The following MATN2 variants were observed in gnomAD, a reference collection of about 807,000 sequenced individuals.
MATN2 encodes the protein matrilin 2.
MATN2 carries 69 observed loss-of-function variants against 103.2 expected under a neutral mutation model. The observed-to-expected ratio is 0.67, with a 90% CI of 0.55 to 0.82. MATN2 has a LOEUF of 0.82. Among genes scored for constraint, MATN2 ranks in the 40% least tolerant of loss-of-function variants. MATN2 has a pLI of 0.00. For synonymous variants in MATN2, 429 were observed against 450.2 expected, an observed-to-expected ratio of 0.95 and a Z score of 0.60; for missense variants, 1,023 against 1,211.5, an observed-to-expected ratio of 0.84 and a Z score of 2.31.
At chr8:97,988,855 C>A (rs1289460722) in intron 6 of MATN2, among the ~76,000 whole-genome samples, 1 of 152,028 alleles carries the variant, frequency 6.6e-6, no homozygotes, top group African/African-American at 2.4e-5. Flanking sequence ...GCTATCAGTA[C>A]CCTGATACCC....
chr8:98,026,006 C>T (rs1813785714), intron 13 of MATN2, among the ~76,000 whole-genome samples: 1 of 151,552 alleles, frequency 6.6e-6, no homozygotes, highest in African/African-American at 2.4e-5. Context: ...GGCAAAACCC[C>T]GTCTCTACTA....
At chr8:97,951,411 G>A (rs1810947875) in intron 4 of MATN2, among the ~76,000 whole-genome samples, 1 of 152,164 alleles carries the variant, frequency 6.6e-6, no homozygotes, top group Non-Finnish European at 1.5e-5. Flanking sequence ...CTGTTTTTAT[G>A]AGGACCCAGG....
intron 7 of MATN2, among the ~76,000 whole-genome samples, chr8:97,999,024 C>T (rs1253201165): frequency 3.3e-5 from 5 of 152,182 alleles, no homozygotes; most frequent in Admixed American, 1.3e-4. Flanking sequence ...CATCTCCTGG[C>T]AGCCACCAAT....
intron 6 of MATN2, among the ~76,000 whole-genome samples, chr8:97,984,515 G>A (rs1048425312): frequency 3.9e-5 from 6 of 152,176 alleles, no homozygotes; most frequent in East Asian, 1.9e-4. Context: ...GTAACTGGCC[G>A]AATGTCTGTA....
At chr8:97,891,465 G>C (rs1818624359) in intron 2 of MATN2, among the ~76,000 whole-genome samples, 1 of 152,084 alleles carries the variant, frequency 6.6e-6, no homozygotes, top group South Asian at 2.1e-4. Flanking sequence ...AGCATCTCAA[G>C]TAGCTGAGAC....
At chr8:97,922,294 G>A (rs1809837544) in intron 2 of MATN2, among the ~76,000 whole-genome samples, 1 of 152,142 alleles carries the variant, frequency 6.6e-6, no homozygotes, top group Non-Finnish European at 1.5e-5. Context: ...CTTTCTATTT[G>A]TTTTGCTCTG....
chr8:97,951,607 A>G (rs2130225434), intron 4 of MATN2, among the ~76,000 whole-genome samples: 1 of 152,348 alleles, frequency 6.6e-6, no homozygotes, highest in East Asian at 1.9e-4. Context: ...TTTAAGGACT[A>G]CTGACTTAGA....
intron 6 of MATN2, among the ~76,000 whole-genome samples, chr8:97,989,695 TA>T (rs796323453): frequency 9.9e-5 from 15 of 150,830 alleles, no homozygotes; most frequent in African/African-American, 2.7e-4. Context: ...CCTAGATTGT[TA>T]AAAAAAAACA....
chr8:97,980,687 C>T (rs1563705505), intron 6 of MATN2, among the ~76,000 whole-genome samples: 1 of 151,540 alleles, frequency 6.6e-6, no homozygotes, highest in Non-Finnish European at 1.5e-5. Flanking sequence ...ACCTCAGCCT[C>T]CCAAGTGGCT....
intron 2 of MATN2, among the ~76,000 whole-genome samples, chr8:97,924,538 A>T (rs1809920978): frequency 6.6e-6 from 1 of 151,974 alleles, no homozygotes; most frequent in Admixed American, 6.6e-5. Flanking sequence ...CAGCCCCTCA[A>T]AGATCGGTGA....
chr8:97,914,856 C>T (rs907485072), intron 2 of MATN2, among the ~76,000 whole-genome samples: 1 of 152,234 alleles, frequency 6.6e-6, no homozygotes, highest in African/African-American at 2.4e-5. Context: ...GCCTGGTCAA[C>T]ACCTGCTCAC....
chr8:97,963,567 T>C (rs925983310), intron 5 of MATN2, among the ~76,000 whole-genome samples: 3 of 152,210 alleles, frequency 2.0e-5, no homozygotes, highest in Non-Finnish European at 4.4e-5. Flanking sequence ...ATTGAAGAGC[T>C]ACAAGCGTGG....
chr8:97,920,509 G>A (rs531411787), intron 2 of MATN2, among the ~76,000 whole-genome samples: 2 of 152,312 alleles, frequency 1.3e-5, no homozygotes, highest in Admixed American at 6.5e-5. Context: ...CACCCAGCCC[G>A]ATACTAGGAG....
chr8:97,882,123 A>G (rs960038631), intron 1 of MATN2, among the ~76,000 whole-genome samples: 56 of 150,908 alleles, frequency 3.7e-4, no homozygotes, highest in Non-Finnish European at 3.4e-4. Flanking sequence ...GGGGTTTCAC[A>G]ATGTTGGCCA....
At chr8:97,909,045 C>T (rs931335601) in intron 2 of MATN2, among the ~76,000 whole-genome samples, 18 of 150,608 alleles carry the variant, frequency 1.2e-4, no homozygotes, top group Non-Finnish European at 1.8e-4. Flanking sequence ...CTCAAGTGAT[C>T]CTCCCATCTC....
rs554256293 is a variant in MATN2, at chr8:97,978,889, T to C, written c.962T>C (p.Val321Ala). The change falls in exon 6 of 19, where the codon GTG (valine) becomes GCG (alanine). Residue 321 changes from valine to alanine, a missense_variant. Physicochemically the swap from Val to Ala is moderately conservative, Grantham distance 64 (BLOSUM62 0). Transcript: ENST00000254898. ...GAATGTGTTTTATTCTCTCCAGCTG[T>C]GGACTACTGTGCCTCAGAAAACCAC... ...LAEDGKRCVA[V>A]DYCASENHGC... The C allele has an allele frequency of 2.5e-6, 4 of 1,613,696 alleles. No individual in the cohort carries two copies. The South Asian group carries it at 3.3e-5, about 13-fold the overall frequency.
chr8:97,925,186 G>A (rs10091886), intron 2 of MATN2, among the ~76,000 whole-genome samples: 99,326 of 151,808 alleles, frequency 0.65, 33,188 homozygotes, highest in East Asian at 0.92. Context: ...ACAGGCTGGC[G>A]TTTGTCTTAT....
intron 5 of MATN2, among the ~76,000 whole-genome samples, chr8:97,977,137 G>T (rs1157680020): frequency 6.7e-6 from 1 of 148,714 alleles, no homozygotes; most frequent in Non-Finnish European, 1.5e-5. Flanking sequence ...TTGGATGGCT[G>T]AGGCAGGAGG....
At chr8:97,885,942 G>A (rs1818410742) in intron 1 of MATN2, among the ~76,000 whole-genome samples, 1 of 152,210 alleles carries the variant, frequency 6.6e-6, no homozygotes, top group African/African-American at 2.4e-5. Flanking sequence ...TGAGCAGTGG[G>A]CGAGCTCAGC....
Sources: gnomAD v4.1 joint callset for allele counts (sites outside exome capture counted in the v4.1 genomes callset) on GRCh38, gnomAD v4.1.1 for gene constraint, MANE v1.5 for transcripts, NCBI Gene and HGNC (gene_info 2026-07-23, HGNC 2026-07-21) for gene names.